Variants in LPP observed in about 807,000 individuals in gnomAD.
LPP encodes the protein lipoma-preferred partner.
In LPP, 38 loss-of-function variants were observed where a neutral mutation model predicts 60.4. That is an observed-to-expected ratio of 0.63 (90% CI 0.49 to 0.83). The LOEUF is 0.83. LPP is among the 40% of genes least tolerant of loss of function. LPP has a pLI of 0.00. For synonymous variants in LPP, 328 were observed against 290.8 expected (o/e 1.13, Z -1.30); for missense variants, 902 against 783.6 (o/e 1.15, Z -1.80).
Position 188,657,262 on chromosome 3 carries a change from A to G in LPP, c.1113+47418A>G, listed in dbSNP as rs538116694. On this transcript the variant is annotated intron_variant, in intron 7 of 11. Transcript: ENST00000617246. ...GTTTTCAAGAGCTGTCAAGGTGTAT[A>G]TATATATATATATATATATTTCCAA... Among the ~76,000 whole-genome samples, 11 of 137,440 alleles carry G rather than the reference A, an allele frequency of 8.0e-5. No homozygotes were observed. In the East Asian group the frequency reaches 1.9e-3, roughly 24 times the overall value. The allele number at this position is 137,440 out of a possible 152,430, so 90.2% of individuals were successfully genotyped here. A position where few individuals can be genotyped will look rare whatever the true frequency, so the allele number is the denominator to read the frequency against.
intron 8 of LPP, among the ~76,000 whole-genome samples, chr3:188,746,036 T>G (rs1726073317): frequency 6.6e-6 from 1 of 152,130 alleles, no homozygotes; most frequent in South Asian, 2.1e-4. Context: ...ATCTTACGCA[T>G]CTAAGTTTTT....
At chr3:188,567,817 C>T (rs1832559980) in intron 6 of LPP, among the ~76,000 whole-genome samples, 1 of 151,954 alleles carries the variant, frequency 6.6e-6, no homozygotes, top group Non-Finnish European at 1.5e-5. Flanking sequence ...TTAATCTGAT[C>T]ATGTTTTCAA....
chr3:188,584,018 C>T (rs1836855065), intron 6 of LPP, among the ~76,000 whole-genome samples: 1 of 152,158 alleles, frequency 6.6e-6, no homozygotes, highest in African/African-American at 2.4e-5. Flanking sequence ...CCCCCATAAT[C>T]CTACAAATGT....
rs537389592 is a variant in LPP, at chr3:188,155,820, C to T, written c.-190+1568C>T. Among the ~76,000 whole-genome samples, 20 of 152,224 alleles carry T rather than the reference C, an allele frequency of 1.3e-4. No homozygotes were observed. The South Asian group carries it at 4.1e-3, about 32-fold the overall frequency. On this transcript the variant is annotated intron_variant, in intron 1 of 11. Coordinates refer to ENST00000617246, the MANE Select transcript of LPP (RefSeq NM_001375462.1). ...CCTGAGCTCAGGAGTTAGAAACCAG[C>T]CTGGGCAACATGGCAAAACCCTGTC...
intron 3 of LPP, among the ~76,000 whole-genome samples, chr3:188,389,884 C>A (rs1779297774): frequency 6.6e-6 from 1 of 152,040 alleles, no homozygotes; most frequent in Non-Finnish European, 1.5e-5. Flanking sequence ...CCTGCCTATC[C>A]CCTCTGGGTC....
intron 8 of LPP, among the ~76,000 whole-genome samples, chr3:188,719,252 A>T (rs886984150): frequency 6.6e-6 from 1 of 152,136 alleles, no homozygotes; most frequent in African/African-American, 2.4e-5. Flanking sequence ...TACCACCACA[A>T]TTTTCTTCTG....
In LPP at chr3:188,721,967, T is replaced by C. The variant is rs369867652; in HGVS notation, c.1240+13574T>C. Among the ~76,000 whole-genome samples the C allele has an allele frequency of 2.0e-5, 3 of 152,286 alleles. No homozygotes were observed. The South Asian group carries it at 6.2e-4, about 32-fold the overall frequency. On this transcript the variant is annotated intron_variant, in intron 8 of 11. Transcript: ENST00000617246. Reference sequence around the variant, plus strand: ...CTTTGCCTCAAACACTTTTCATATATTGTCCTCTCTACACTGTTAAAATGT... The same window carrying C: ...CTTTGCCTCAAACACTTTTCATATACTGTCCTCTCTACACTGTTAAAATGT...
At chr3:188,386,946 CA>C (rs1027843718) in intron 3 of LPP, among the ~76,000 whole-genome samples, 1 of 151,974 alleles carries the variant, frequency 6.6e-6, no homozygotes, top group Non-Finnish European at 1.5e-5. Context: ...AATAAGGATA[CA>C]AAATGCTGTG....
intron 8 of LPP, among the ~76,000 whole-genome samples, chr3:188,755,026 C>T (rs1157971434): frequency 1.3e-5 from 2 of 152,146 alleles, no homozygotes; most frequent in Non-Finnish European, 2.9e-5. Flanking sequence ...CATTTCACTA[C>T]CCTTATATAA....
chr3:188,890,039 T>C lies in LPP; in HGVS notation c.*15560T>C. ...GGGAAGAAACACAGCATGGCTTTGCTCTGAGTTTCAATCTGATGATTATGA... is the reference window on the plus strand; with the variant it reads ...GGGAAGAAACACAGCATGGCTTTGCCCTGAGTTTCAATCTGATGATTATGA... On this transcript the variant is annotated 3_prime_UTR_variant, in exon 12 of 12. Coordinates refer to ENST00000617246, the MANE Select transcript of LPP (RefSeq NM_001375462.1). 4.7e-6 allele frequency: 1 copy of C among 214,460 alleles called. No individual in the cohort carries two copies. The highest frequency in any genetic ancestry group is 9.4e-6 in the Non-Finnish European group (1 of 106,196). The allele number at this position is 214,460 out of a possible 1,614,324, so 13.3% of individuals were successfully genotyped here.
chr3:188,844,265 G>A (rs1760885985), intron 9 of LPP, among the ~76,000 whole-genome samples: 1 of 152,172 alleles, frequency 6.6e-6, no homozygotes, highest in Admixed American at 6.5e-5. Flanking sequence ...TAGTGAAAGT[G>A]CTGGCCTGCC....
intron 2 of LPP, among the ~76,000 whole-genome samples, chr3:188,315,416 A>G (rs1754733690): frequency 6.6e-6 from 1 of 151,676 alleles, no homozygotes; most frequent in Admixed American, 6.6e-5. Flanking sequence ...AATACCTTCT[A>G]CTTTTTCTAG....
intron 3 of LPP, among the ~76,000 whole-genome samples, chr3:188,405,510 G>A (rs1237709216): frequency 1.3e-5 from 2 of 151,854 alleles, no homozygotes; most frequent in Admixed American, 6.6e-5. Context: ...ACATTTTTCA[G>A]GTTCAACCCT....
At position 188,881,949 on chromosome 3, in the gene LPP, C is replaced by G. The variant is rs1770079766; in HGVS notation, c.*7470C>G. 1.4e-5 allele frequency: 3 copies of G among 216,870 alleles called. No homozygotes were observed. The Admixed American group carries it at 1.7e-4, about 13-fold the overall frequency. 13.4% of individuals were successfully genotyped at this position (216,870 alleles called of 1,614,324 possible). On this transcript the variant is annotated 3_prime_UTR_variant, in exon 12 of 12. Coordinates refer to ENST00000617246, the MANE Select transcript of LPP (RefSeq NM_001375462.1). ...GACGTTACATGTTAGAAAAAGTGAG[C>G]AGCTTCTTTCTCTAATCATTTAGGA... is the stretch of plus-strand genomic sequence containing the variant.
At chr3:188,532,945 A>G (rs1207445147) in intron 6 of LPP, among the ~76,000 whole-genome samples, 1 of 152,104 alleles carries the variant, frequency 6.6e-6, no homozygotes, top group Non-Finnish European at 1.5e-5. Flanking sequence ...TTTAAAAACT[A>G]TTCTAACTTC....
chr3:188,244,374 GC>G (rs1218365584), intron 2 of LPP, among the ~76,000 whole-genome samples: 2 of 152,188 alleles, frequency 1.3e-5, no homozygotes, highest in African/African-American at 4.8e-5. Flanking sequence ...CATGGAAGAG[GC>G]AGAGTGGGCT....
At chr3:188,816,921 C>T (rs1752628843) in intron 9 of LPP, among the ~76,000 whole-genome samples, 1 of 152,184 alleles carries the variant, frequency 6.6e-6, no homozygotes, top group South Asian at 2.1e-4. Context: ...TTGACAACAA[C>T]TTCTTCATTG....
chr3:188,281,114 G>A (rs528063898), intron 2 of LPP, among the ~76,000 whole-genome samples: 206 of 152,048 alleles, frequency 1.4e-3, no homozygotes, highest in African/African-American at 4.7e-3. Context: ...ATGAAATAAT[G>A]CATGTGAAGA....
At chr3:188,407,792 T>TG (rs1783988768) in intron 4 of LPP, among the ~76,000 whole-genome samples, 2 of 131,848 alleles carry the variant, frequency 1.5e-5, no homozygotes, top group Non-Finnish European at 1.6e-5. Context: ...TTGTTTGTTT[T>TG]TTTTTTTTTT....
Sources: gnomAD v4.1 joint callset for allele counts (sites outside exome capture counted in the v4.1 genomes callset) on GRCh38, gnomAD v4.1.1 for gene constraint, MANE v1.5 for transcripts, NCBI Gene and HGNC (gene_info 2026-07-23, HGNC 2026-07-21) for gene names.